Variants in RYR3 observed in about 807,000 individuals in gnomAD.
The protein encoded by RYR3 is brain ryanodine receptor-calcium release channel.
RYR3 carries 207 observed loss-of-function variants against 584.3 expected under a neutral mutation model. The observed-to-expected ratio is 0.35, with a 90% CI of 0.32 to 0.40. The LOEUF (loss-of-function observed/expected upper bound fraction) is 0.40, where lower values mean the gene tolerates loss of function less well. Among genes scored for constraint, RYR3 ranks in the 10% least tolerant of loss-of-function variants. The pLI, the probability that RYR3 is intolerant of heterozygous loss-of-function variation, is 1.00. For missense variants in RYR3, 5,616 were observed against 6,089.2 expected, an observed-to-expected ratio of 0.92 and a Z score of 2.59; for synonymous variants, 2,416 against 2,248.5, an observed-to-expected ratio of 1.07 and a Z score of -2.11.
chr15:33,695,572 G>C (rs1165553002), intron 38 of RYR3, among the ~76,000 whole-genome samples: 2 of 152,124 alleles, frequency 1.3e-5, no homozygotes, highest in Non-Finnish European at 1.5e-5. Flanking sequence ...AGGCTGTTCA[G>C]ACTTTAGGAT....
chr15:33,502,639 G>A (rs904602788), intron 2 of RYR3, among the ~76,000 whole-genome samples: 16 of 152,196 alleles, frequency 1.1e-4, no homozygotes, highest in African/African-American at 3.4e-4. Context: ...CAAGCACTAC[G>A]TAAATGAAAT....
intron 16 of RYR3, among the ~76,000 whole-genome samples, chr15:33,597,086 A>G (rs2059415169): frequency 6.6e-6 from 1 of 152,230 alleles, no homozygotes; most frequent in South Asian, 2.1e-4. Context: ...AACTATTATC[A>G]TTAAACCCTT....
At chr15:33,449,541 T>A (rs1567261468) in intron 1 of RYR3, among the ~76,000 whole-genome samples, 1 of 151,744 alleles carries the variant, frequency 6.6e-6, no homozygotes, top group Non-Finnish European at 1.5e-5. Flanking sequence ...CATAACATAG[T>A]GTGAATGGGG....
intron 1 of RYR3, among the ~76,000 whole-genome samples, chr15:33,447,387 C>G (rs1567256449): frequency 6.6e-6 from 1 of 152,168 alleles, no homozygotes; most frequent in Non-Finnish European, 1.5e-5. Flanking sequence ...ACTGGACATT[C>G]TGTTAATGGT....
intron 1 of RYR3, among the ~76,000 whole-genome samples, chr15:33,347,604 G>A (rs959106577): frequency 2.6e-5 from 4 of 151,924 alleles, no homozygotes; most frequent in Non-Finnish European, 5.9e-5. Context: ...CCGCCACCAT[G>A]CCTGGCTAAT....
chr15:33,453,070 T>G (rs144038464), intron 1 of RYR3, among the ~76,000 whole-genome samples: 81,471 of 151,860 alleles, frequency 0.54, 21,904 homozygotes, highest in Middle Eastern at 0.61. Context: ...AGGGTTTTTT[T>G]CCTTAGGGGC....
intron 10 of RYR3, among the ~76,000 whole-genome samples, chr15:33,559,784 G>T (rs939400869): frequency 5.3e-5 from 8 of 152,124 alleles, no homozygotes; most frequent in African/African-American, 1.9e-4. Flanking sequence ...CAGCCAGAAA[G>T]GTTTTAAAAA....
chr15:33,726,383 C>T lies in RYR3; in HGVS notation c.6913-3C>T. The T allele has an allele frequency of 6.2e-7, 1 of 1,612,994 alleles. No homozygotes were observed. On this transcript the variant is annotated splice_region_variant and splice_polypyrimidine_tract_variant and intron_variant, in intron 45 of 103. Coordinates refer to ENST00000634891, the MANE Select transcript of RYR3 (RefSeq NM_001036.6). ...TAATGTCATTCTCAACCCTATCTTC[C>T]AGCTCATCCAGACAGGAAAGGGGGA...
chr15:33,859,439 A>C, intron 99 of RYR3, 136 bp from the exon 100 acceptor site: 1 of 820,438 alleles, frequency 1.2e-6, no homozygotes, highest in Non-Finnish European at 2.0e-6. Context: ...CAGCATGAAT[A>C]CTGGCACCTC....
chr15:33,642,455 T>A (rs2061884147), intron 27 of RYR3, among the ~76,000 whole-genome samples: 1 of 152,234 alleles, frequency 6.6e-6, no homozygotes, highest in Admixed American at 6.5e-5. Flanking sequence ...TGTCTTGAGA[T>A]TAGGTATGAT....
chr15:33,545,721 G>A (rs1181321406), intron 8 of RYR3, among the ~76,000 whole-genome samples: 1 of 152,126 alleles, frequency 6.6e-6, no homozygotes, highest in Non-Finnish European at 1.5e-5. Context: ...GAAATGTCCA[G>A]CATGGCCAGG....
intron 8 of RYR3, among the ~76,000 whole-genome samples, chr15:33,547,221 C>T (rs564479568): frequency 7.9e-5 from 12 of 152,200 alleles, no homozygotes; most frequent in African/African-American, 2.9e-4. Context: ...AATACCCAAC[C>T]GGTACTCCAC....
In RYR3 at chr15:33,669,281, G is replaced by C. The variant is rs570746042; in HGVS notation, c.5620-73G>C. On this transcript the variant is annotated intron_variant, in intron 36 of 103. Transcript: ENST00000634891. ...AAATTTGAAAAGAATGTAAGTGTCT[G>C]TCTAAGGCAGGATCTGAGTTCCCTT... 39 of 1,215,346 alleles carry C rather than the reference G, an allele frequency of 3.2e-5. No individual in the cohort carries two copies. The East Asian group carries it at 8.4e-4, about 26-fold the overall frequency. The allele number at this position is 1,215,346 out of a possible 1,614,324, so 75.3% of individuals were successfully genotyped here. A position where few individuals can be genotyped will look rare whatever the true frequency, so the allele number is the denominator to read the frequency against.
intron 1 of RYR3, among the ~76,000 whole-genome samples, chr15:33,367,903 A>G (rs1975730429): frequency 6.6e-6 from 1 of 152,208 alleles, no homozygotes; most frequent in African/African-American, 2.4e-5. Context: ...TAACTTACTT[A>G]CATAAAGTTG....
At chr15:33,502,677 T>G (rs2052100673) in intron 2 of RYR3, among the ~76,000 whole-genome samples, 1 of 152,242 alleles carries the variant, frequency 6.6e-6, no homozygotes, top group South Asian at 2.1e-4. Flanking sequence ...TCTAAAATGT[T>G]CTCACAGTGA....
intron 2 of RYR3, among the ~76,000 whole-genome samples, chr15:33,489,742 A>C (rs1266020427): frequency 6.6e-6 from 1 of 152,220 alleles, no homozygotes; most frequent in African/African-American, 2.4e-5. Context: ...TGCTGGGTCG[A>C]ATGGTGGTTC....
In RYR3 at chr15:33,864,784, C is replaced by T. The variant is rs1039830017; in HGVS notation, c.14518-347C>T. 6 of 228,088 alleles carry T rather than the reference C, an allele frequency of 2.6e-5. No homozygotes were observed. The East Asian group carries it at 3.9e-4, about 15-fold the overall frequency. 14.1% of individuals were successfully genotyped at this position (228,088 alleles called of 1,614,324 possible). A position where few individuals can be genotyped will look rare whatever the true frequency, so the allele number is the denominator to read the frequency against. ...GGTTTCCAGCTCTGGATTCAGCATGCAATAAACGTTCCCTCAAGCATTCCT... is the reference window on the plus strand; with the variant it reads ...GGTTTCCAGCTCTGGATTCAGCATGTAATAAACGTTCCCTCAAGCATTCCT... On this transcript the variant is annotated intron_variant, in intron 103 of 103. Transcript: ENST00000634891.
intron 2 of RYR3, among the ~76,000 whole-genome samples, chr15:33,485,199 TG>T (rs1294272736): frequency 6.6e-6 from 1 of 152,152 alleles, no homozygotes; most frequent in Admixed American, 6.5e-5. Context: ...TTAGATAAAG[TG>T]ACATGGAGGC....
intron 38 of RYR3, among the ~76,000 whole-genome samples, chr15:33,691,124 T>G (rs979091041): frequency 6.6e-6 from 1 of 151,480 alleles, no homozygotes; most frequent in Admixed American, 6.6e-5. Context: ...AGTAGTAGTT[T>G]CTGAAAAGTT....
Sources: gnomAD v4.1 joint callset for allele counts (sites outside exome capture counted in the v4.1 genomes callset) on GRCh38, gnomAD v4.1.1 for gene constraint, MANE v1.5 for transcripts, NCBI Gene and HGNC (gene_info 2026-07-23, HGNC 2026-07-21) for gene names.